Variants in EYS observed in about 807,000 individuals in gnomAD.
EYS encodes the protein protein eyes shut homolog.
A neutral mutation model predicts 282.1 loss-of-function variants in EYS; 250 were observed. The observed-to-expected ratio is 0.89, with a 90% CI of 0.80 to 0.98. EYS has a LOEUF of 0.98. Among genes scored for constraint, EYS ranks in the 50% least tolerant of loss-of-function variants. EYS has a pLI of 0.00. For synonymous variants in EYS, 1,355 were observed against 1,282.9 expected, an observed-to-expected ratio of 1.06 and a Z score of -1.20; for missense variants, 4,016 against 3,709.0, an observed-to-expected ratio of 1.08 and a Z score of -2.15.
intron 31 of EYS, among the ~76,000 whole-genome samples, chr6:64,193,652 AC>A (rs377016354): frequency 6.9e-4 from 103 of 150,236 alleles, no homozygotes; most frequent in African/African-American, 2.4e-3. Flanking sequence ...CCTCCTCCCT[AC>A]CCCCACCCAA....
chr6:65,503,896 T>A (rs1001475248), intron 2 of EYS, among the ~76,000 whole-genome samples: 3 of 151,686 alleles, frequency 2.0e-5, no homozygotes, highest in African/African-American at 7.2e-5. Flanking sequence ...CAGAGTGTAT[T>A]CTCCAACCTT....
In EYS at chr6:65,550,143, C is replaced by CTTTCTTTTTTTTTTTTTT. The variant is rs1562254227; in HGVS notation, c.-332-54151_-332-54150insAAAAAAAAAAAAAAGAAA. 1.0e-3 allele frequency among the ~76,000 whole-genome samples: 6 copies of CTTTCTTTTTTTTTTTTTT among 5,954 alleles called. 1 individual carries two copies. The highest frequency in any genetic ancestry group is 8.3e-3 in the East Asian group (1 of 120). The allele number at this position is 5,954 out of a possible 152,430, so 3.9% of individuals were successfully genotyped here. Reference sequence around the variant, plus strand: ...AAGTTAGTATCTGACTCTACTATATCTTTTTTTTTTTTTTTTTTTTTTTTT... The same window carrying CTTTCTTTTTTTTTTTTTT: ...AAGTTAGTATCTGACTCTACTATATCTTTCTTTTTTTTTTTTTTTTTTTTTTTTTTTTTTTTTTTTTTT... On this transcript the variant is annotated intron_variant, in intron 2 of 42. Transcript: ENST00000503581.
chr6:63,756,043 G>T (rs182840021), intron 41 of EYS, among the ~76,000 whole-genome samples: 3 of 152,250 alleles, frequency 2.0e-5, no homozygotes, highest in East Asian at 3.9e-4. Context: ...AGACAATGGG[G>T]TTTTCTAAAT....
At chr6:65,386,042 C>T (rs1011928979) in intron 7 of EYS, among the ~76,000 whole-genome samples, 6 of 151,820 alleles carry the variant, frequency 4.0e-5, no homozygotes, top group African/African-American at 1.4e-4. Context: ...TTGCAGTTTC[C>T]AAAGAGCAGG....
intron 1 of EYS, among the ~76,000 whole-genome samples, chr6:65,681,197 C>T (rs77973577): frequency 2.4e-3 from 362 of 151,718 alleles, no homozygotes; most frequent in African/African-American, 8.3e-3. Context: ...AGATTGCCTC[C>T]CATTGGCCAC....
chr6:64,826,910 T>C (rs78020211), intron 19 of EYS, among the ~76,000 whole-genome samples: 2,585 of 151,774 alleles, frequency 0.017, 74 homozygotes, highest in African/African-American at 0.059. Context: ...CAGAAATAAA[T>C]GTAGTCTCCC....
intron 36 of EYS, among the ~76,000 whole-genome samples, chr6:63,838,816 A>T (rs959081524): frequency 6.6e-5 from 10 of 152,062 alleles, no homozygotes; most frequent in Admixed American, 6.6e-5. Context: ...TTCTCTATCT[A>T]AATTCTAGAT....
At chr6:65,046,449 TTATTA>T (rs913382597) in intron 13 of EYS, among the ~76,000 whole-genome samples, 1 of 151,918 alleles carries the variant, frequency 6.6e-6, no homozygotes, top group Non-Finnish European at 1.5e-5. Flanking sequence ...TTCCTTATTA[TTATTA>T]TGATTCTATC....
At chr6:64,515,724 C>T in intron 26 of EYS, among the ~76,000 whole-genome samples, 1 of 150,998 alleles carries the variant, frequency 6.6e-6, no homozygotes, top group East Asian at 1.9e-4. Context: ...ACTAAATTTC[C>T]ACTTAATATA....
intron 36 of EYS, among the ~76,000 whole-genome samples, chr6:63,832,529 C>T (rs1347605440): frequency 3.3e-5 from 5 of 152,150 alleles, no homozygotes; most frequent in Non-Finnish European, 5.9e-5. Context: ...GACGTTGAAT[C>T]CCTGAATAGA....
At chr6:65,176,797 A>G (rs564979865) in intron 12 of EYS, among the ~76,000 whole-genome samples, 55 of 151,844 alleles carry the variant, frequency 3.6e-4, no homozygotes, top group Non-Finnish European at 6.9e-4. Context: ...GCTTACCTAA[A>G]TGGTGGGTAA....
chr6:65,494,219 C>G (rs773713156), intron 4 of EYS, among the ~76,000 whole-genome samples: 1 of 151,800 alleles, frequency 6.6e-6, no homozygotes, highest in Non-Finnish European at 1.5e-5. Context: ...TATATCCAGC[C>G]AAATCCAAGG....
rs116186112 is a variant in EYS at position 64,160,663 on chromosome 6, C to T, written c.6424+69929G>A. ...TTTTATCTTTTCAATGCAGACATTT[C>T]CTGCTTTAATGCATCTTTGTCTTTT... On this transcript the variant is annotated intron_variant, in intron 31 of 42. Transcript: ENST00000503581. Among the ~76,000 whole-genome samples, 366 of 152,288 alleles carry T rather than the reference C, an allele frequency of 2.4e-3. 1 individual carries two copies. The highest frequency in any genetic ancestry group is 8.4e-3 in the African/African-American group (348 of 41,558).
At chr6:65,479,406 C>T (rs1396682324) in intron 5 of EYS, among the ~76,000 whole-genome samples, 1 of 152,064 alleles carries the variant, frequency 6.6e-6, no homozygotes, top group Admixed American at 6.6e-5. Context: ...GACTAAGAAA[C>T]TGGAAGATTT....
intron 22 of EYS, among the ~76,000 whole-genome samples, chr6:64,792,054 C>T (rs1376077487): frequency 1.3e-5 from 2 of 151,804 alleles, no homozygotes; most frequent in Non-Finnish European, 3.0e-5. Context: ...TTGAGCTCAT[C>T]TTGTCTGTAC....
chr6:63,749,391 T>C (rs1168295162), intron 41 of EYS, among the ~76,000 whole-genome samples: 1 of 152,194 alleles, frequency 6.6e-6, no homozygotes, highest in Non-Finnish European at 1.5e-5. Context: ...CTGAGGAGTA[T>C]CTTATGTCTG....
chr6:64,246,138 C>T (rs1308352552), intron 30 of EYS, among the ~76,000 whole-genome samples: 1 of 150,192 alleles, frequency 6.7e-6, no homozygotes, highest in Non-Finnish European at 1.5e-5. Flanking sequence ...TTTTCCTCCT[C>T]CTACATATAG....
Position 63,904,452 on chromosome 6 carries a change from A to C in EYS, c.7056-40094T>G, listed in dbSNP as rs551377611. On this transcript the variant is annotated intron_variant, in intron 35 of 42. Transcript: ENST00000503581. Reference sequence around the variant, plus strand: ...CAGTTTAAGCATAGGTTAGGGTTCAATATACCTGGAAGCATGCACACTCAA... The same window carrying C: ...CAGTTTAAGCATAGGTTAGGGTTCACTATACCTGGAAGCATGCACACTCAA... 2.2e-4 allele frequency among the ~76,000 whole-genome samples: 34 copies of C among 152,304 alleles called. 1 individual carries two copies. In the South Asian group the frequency reaches 7.0e-3, roughly 32 times the overall value.
chr6:64,927,352 G>A (rs935883396), intron 15 of EYS, among the ~76,000 whole-genome samples: 1 of 152,010 alleles, frequency 6.6e-6, no homozygotes, highest in Non-Finnish European at 1.5e-5. Context: ...TGAGAAGAAA[G>A]CCCTCTACAA....
Sources: allele counts gnomAD v4.1 joint callset (sites outside exome capture counted in the v4.1 genomes callset), GRCh38; gene constraint gnomAD v4.1.1; transcripts MANE v1.5; gene names NCBI Gene and HGNC (gene_info 2026-07-23, HGNC 2026-07-21).